TSPEAR: variants seen among roughly 807,000 people sequenced by gnomAD.
TSPEAR encodes thrombospondin-type laminin G domain and EAR repeat-containing protein.
A neutral mutation model predicts 71.6 loss-of-function variants in TSPEAR; 69 were observed. The observed-to-expected ratio is 0.96, with a 90% CI of 0.79 to 1.18. The LOEUF (loss-of-function observed/expected upper bound fraction) is 1.18, where lower values mean the gene tolerates loss of function less well. Among genes scored for constraint, TSPEAR ranks in the 50% most tolerant of loss-of-function variants. The pLI is 0.00. For synonymous variants in TSPEAR, 402 were observed against 387.2 expected (o/e 1.04, Z -0.45); for missense variants, 971 against 894.9 (o/e 1.09, Z -1.09).
chr21:44,580,164 C>G (rs782787241), intron 1 of TSPEAR: 36 of 1,613,752 alleles, frequency 2.2e-5, no homozygotes, highest in Non-Finnish European at 2.8e-5. Flanking sequence ...ACACAGCACA[C>G]GGGCTTGCAG....
chr21:44,667,272 A>G (rs1555945094), intron 1 of TSPEAR, among the ~76,000 whole-genome samples: 2 of 151,364 alleles, frequency 1.3e-5, no homozygotes, highest in African/African-American at 4.9e-5. Context: ...TAAACCACAG[A>G]AGTTTACACT....
Position 44,687,437 on chromosome 21 carries a change from G to A in TSPEAR, c.82+23996C>T, listed in dbSNP as rs1017260921. The stretch of plus-strand genomic sequence containing the variant: ...CACAGCGTGACAGAGCGGTACAGCG[G>A]AATCCACACCAGCACTGAGGGCGGC... On this transcript the variant is annotated intron_variant, in intron 1 of 11. Transcript: ENST00000323084. This position sits in a 1 kb window ranked among gnomAD's most constrained non-coding sequence, Gnocchi z 4.4. Among the ~76,000 whole-genome samples the A allele has an allele frequency of 1.3e-5, 2 of 152,206 alleles. No individual in the cohort carries two copies. Among genetic ancestry groups the A allele is most frequent in the African/African-American group, 2.4e-5 (1 of 41,460 alleles).
intron 1 of TSPEAR, among the ~76,000 whole-genome samples, chr21:44,633,240 A>G (rs1380267005): frequency 1.3e-5 from 2 of 152,098 alleles, no homozygotes; most frequent in Non-Finnish European, 2.9e-5. Context: ...TATTCTACAT[A>G]TAATCTTTAT....
At chr21:44,599,484 G>C (rs1349262041) in intron 1 of TSPEAR, among the ~76,000 whole-genome samples, 10 of 152,188 alleles carry the variant, frequency 6.6e-5, no homozygotes, top group African/African-American at 2.2e-4. Flanking sequence ...CATGCATGCT[G>C]GGCTATGGCT....
chr21:44,656,394 T>C (rs1277975066), intron 1 of TSPEAR, among the ~76,000 whole-genome samples: 1 of 152,238 alleles, frequency 6.6e-6, no homozygotes, highest in East Asian at 1.9e-4. Flanking sequence ...TTTGCTCTTC[T>C]GAACAGGTTT....
At chr21:44,655,009 G>A (rs782060404) in intron 1 of TSPEAR, among the ~76,000 whole-genome samples, 1 of 152,182 alleles carries the variant, frequency 6.6e-6, no homozygotes, top group Non-Finnish European at 1.5e-5. Flanking sequence ...TTTTGACTGA[G>A]AAGCTCAGTC....
chr21:44,579,789 G>A lies in TSPEAR; in HGVS notation c.83-11784C>T, dbSNP rs782078445. On this transcript the variant is annotated intron_variant, in intron 1 of 11. Transcript: ENST00000323084. ...CAGCAGGCCAGGGGGGAGCACGCGG[G>A]GCGGCAGAGGAGGGACACGCAGGAG... is the stretch of plus-strand genomic sequence containing the variant. The A allele has an allele frequency of 4.4e-6, 7 of 1,608,688 alleles. No homozygotes were observed. In the South Asian group the frequency reaches 4.4e-5, roughly 10 times the overall value.
chr21:44,658,402 A>C, intron 1 of TSPEAR: 3 of 880,174 alleles, frequency 3.4e-6, no homozygotes, highest in Non-Finnish European at 5.1e-6. Flanking sequence ...TGGGGTGAGA[A>C]CGTGGAAAAA....
intron 1 of TSPEAR, among the ~76,000 whole-genome samples, chr21:44,611,297 T>C (rs1981653182): frequency 6.6e-6 from 1 of 152,088 alleles, no homozygotes; most frequent in Non-Finnish European, 1.5e-5. Flanking sequence ...GGGAGATAAT[T>C]GAATCATGGG....
Position 44,592,154 on chromosome 21 carries a change from C to T in TSPEAR, c.83-24149G>A, listed in dbSNP as rs200214979. 441 of 1,563,524 alleles carry T rather than the reference C, an allele frequency of 2.8e-4. 2 individuals are homozygous for T. In the African/African-American group the frequency reaches 3.3e-3, roughly 12 times the overall value. ...CAGACAGTCTTGCAGCAGACGGGCA[C>T]GCAGCAGGCCTGCTGGCAGGGGGAG... is the stretch of plus-strand genomic sequence containing the variant. On this transcript the variant is annotated intron_variant, in intron 1 of 11. Transcript: ENST00000323084.
At chr21:44,517,028 T>C (rs2052595513) in intron 9 of TSPEAR, among the ~76,000 whole-genome samples, 1 of 152,208 alleles carries the variant, frequency 6.6e-6, no homozygotes, top group South Asian at 2.1e-4. Flanking sequence ...CGTCCTGGCC[T>C]GGCCCCTGTG....
intron 1 of TSPEAR, chr21:44,637,525 C>G: frequency 3.1e-6 from 5 of 1,613,574 alleles, no homozygotes; most frequent in Non-Finnish European, 4.2e-6. Flanking sequence ...CCCCAGCCCC[C>G]AGCTTGACCC....
chr21:44,683,147 A>G (rs555165517), intron 1 of TSPEAR, among the ~76,000 whole-genome samples: 6 of 152,196 alleles, frequency 3.9e-5, no homozygotes, highest in African/African-American at 1.4e-4. Context: ...ACCAATTCAG[A>G]ATAGGATTTT....
At position 44,696,786 on chromosome 21, in the gene TSPEAR, C is replaced by A. The variant is rs1555950574; in HGVS notation, c.82+14647G>T. On this transcript the variant is annotated intron_variant, in intron 1 of 11. Coordinates refer to ENST00000323084, the MANE Select transcript of TSPEAR (RefSeq NM_144991.3). The stretch of plus-strand genomic sequence containing the variant: ...GTCCACGCAGAGGCTGGGCTCCAGC[C>A]CATTGGCCGGCTCCCTCCACGGCCC... 2.0e-5 allele frequency among the ~76,000 whole-genome samples: 3 copies of A among 152,184 alleles called. No homozygotes were observed. In the South Asian group the frequency reaches 6.2e-4, roughly 32 times the overall value.
At chr21:44,678,839 A>T (rs587742130) in intron 1 of TSPEAR, among the ~76,000 whole-genome samples, 1 of 152,378 alleles carries the variant, frequency 6.6e-6, no homozygotes, top group East Asian at 1.9e-4. Context: ...ATAACAAACT[A>T]GCTGAAAAAG....
At chr21:44,555,872 C>G (rs370187080) in intron 2 of TSPEAR, among the ~76,000 whole-genome samples, 1 of 152,190 alleles carries the variant, frequency 6.6e-6, no homozygotes, top group Non-Finnish European at 1.5e-5. Flanking sequence ...GGGCCTGTGT[C>G]CTTCTGTCCT....
intron 1 of TSPEAR, chr21:44,592,616 T>C (rs1173921584): frequency 7.9e-6 from 11 of 1,398,294 alleles, no homozygotes; most frequent in Non-Finnish European, 1.1e-5. Context: ...AGCTGGAGTC[T>C]GCCGGGATTA....
intron 1 of TSPEAR, chr21:44,698,143 C>G: frequency 4.6e-6 from 3 of 655,428 alleles, no homozygotes; most frequent in Admixed American, 2.9e-5. Flanking sequence ...TCCACCCACT[C>G]CCCCGGCTCT....
In TSPEAR at chr21:44,599,172, C is replaced by CTCTCTCTCTCTCAATGTA. The variant is rs1372930980; in HGVS notation, c.83-31168_83-31167insTACATTGAGAGAGAGAGA. On this transcript the variant is annotated intron_variant, in intron 1 of 11. Transcript: ENST00000323084. Reference sequence around the variant, plus strand: ...TCTCTCTCTCTCTCTCTCTCTCTCTCCTTCCATCCCATAGGACCAGATCCT... The same window carrying CTCTCTCTCTCTCAATGTA: ...TCTCTCTCTCTCTCTCTCTCTCTCTCTCTCTCTCTCTCAATGTACTTCCATCCCATAGGACCAGATCCT... 1.4e-4 allele frequency among the ~76,000 whole-genome samples: 21 copies of CTCTCTCTCTCTCAATGTA among 146,068 alleles called. 2 individuals are homozygous for CTCTCTCTCTCTCAATGTA. Among genetic ancestry groups the CTCTCTCTCTCTCAATGTA allele is most frequent in the African/African-American group, 4.2e-4 (16 of 38,044 alleles).
Sources: allele counts gnomAD v4.1 joint callset (sites outside exome capture counted in the v4.1 genomes callset), GRCh38; gene constraint gnomAD v4.1.1; non-coding constraint Gnocchi (gnomAD v3.1); transcripts MANE v1.5; gene names NCBI Gene and HGNC (gene_info 2026-07-23, HGNC 2026-07-21).